KCTD21: variants seen among roughly 807,000 people sequenced by gnomAD.
KCTD21 encodes the protein potassium channel tetramerization domain containing 21.
In KCTD21, 9 loss-of-function variants were observed where a neutral mutation model predicts 13.2. That is an observed-to-expected ratio of 0.68 (90% CI 0.41 to 1.19). KCTD21 has a LOEUF of 1.19. Among genes scored for constraint, KCTD21 ranks in the 50% most tolerant of loss-of-function variants. The probability of loss-of-function intolerance (pLI) is 0.01; values close to 1 mark genes in which losing one functional copy is unlikely to be tolerated. For missense variants in KCTD21, 303 were observed against 336.5 expected, an observed-to-expected ratio of 0.90 and a Z score of 0.78; for synonymous variants, 142 against 137.4, an observed-to-expected ratio of 1.03 and a Z score of -0.23.
At chr11:78,177,224 G>A (rs17136325) in intron 1 of KCTD21, among the ~76,000 whole-genome samples, 4,287 of 152,288 alleles carry the variant, frequency 0.028, 198 homozygotes, top group African/African-American at 0.097. Context: ...TGCCATGCTC[G>A]ACTCTGTGGC....
At chr11:78,183,184 C>T (rs371766848) in intron 1 of KCTD21, among the ~76,000 whole-genome samples, 54 of 152,226 alleles carry the variant, frequency 3.5e-4, no homozygotes, top group African/African-American at 1.3e-3. Context: ...TGGACTTTCA[C>T]AGGAAAAGTT....
At chr11:78,184,471 G>A (rs962699768) in intron 1 of KCTD21, among the ~76,000 whole-genome samples, 5 of 151,804 alleles carry the variant, frequency 3.3e-5, no homozygotes, top group Non-Finnish European at 5.9e-5. Flanking sequence ...TGAGTAGCTG[G>A]GAGTATAGGC....
In KCTD21 at chr11:78,174,023, A is replaced by C; in HGVS notation, c.532T>G (p.Leu178Val). 6.2e-7 allele frequency: 1 copy of C among 1,614,114 alleles called. No homozygotes were observed. The change falls in exon 2 of 2, where the codon TTG becomes GTG. Residue 178 changes from leucine (L) to valine (V), a missense_variant. By Grantham distance (32) the Leu-to-Val change is conservative (BLOSUM62 1). Coordinates refer to ENST00000340067, the MANE Select transcript of KCTD21 (RefSeq NM_001029859.3). ...AGAGTCAGGTGGTTGGGGTCCTGCA[A>C]GTGGCTGGTGATGGAGGAGAGATTG... ...NGNLSSITSH[L>V]QDPNHLTLDW...
chr11:78,188,453 C>T (rs1367962435), intron 1 of KCTD21, 120 bp downstream of exon 1: 10 of 985,318 alleles, frequency 1.0e-5, no homozygotes, highest in Non-Finnish European at 1.2e-5. Context: ...ATCCCCATTT[C>T]ACAGATGGGA....
chr11:78,182,581 A>C (rs1862661563), intron 1 of KCTD21, among the ~76,000 whole-genome samples: 1 of 152,188 alleles, frequency 6.6e-6, no homozygotes, highest in African/African-American at 2.4e-5. Flanking sequence ...CATATTGATA[A>C]ATATATTGAT....
rs1347652136 is a variant in KCTD21, at chr11:78,174,358, G to A, written c.197C>T (p.Ser66Phe). 1 of 1,614,118 alleles carries A rather than the reference G, an allele frequency of 6.2e-7. No homozygotes were observed. The highest frequency in any genetic ancestry group is 2.2e-5 in the East Asian group (1 of 44,868). ...GAAGTCCTCAGGCAGGTCAAGGTGG[G>A]AGGTCCGCAGGAAGTTGAGGATATA... is the stretch of plus-strand genomic sequence containing the variant. ...FRYILNFLRT[S>F]HLDLPEDFQE... The change falls in exon 2 of 2, where the codon TCC (serine) becomes TTC (phenylalanine). Residue 66 changes from serine (S) to phenylalanine (F), a missense_variant. Coordinates refer to ENST00000340067, the MANE Select transcript of KCTD21 (RefSeq NM_001029859.3).
chr11:78,178,165 C>T (rs1397913437), intron 1 of KCTD21, among the ~76,000 whole-genome samples: 8 of 149,972 alleles, frequency 5.3e-5, no homozygotes, highest in South Asian at 2.1e-4. Context: ...CTCGCTCTGT[C>T]GCCAGGCTAG....
At chr11:78,184,126 G>A (rs192062167) in intron 1 of KCTD21, among the ~76,000 whole-genome samples, 2 of 152,264 alleles carry the variant, frequency 1.3e-5, no homozygotes, top group African/African-American at 4.8e-5. Context: ...CTTATTAATT[G>A]TAAGAGAGAA....
At chr11:78,177,220 G>T (rs1789030708) in intron 1 of KCTD21, among the ~76,000 whole-genome samples, 1 of 152,218 alleles carries the variant, frequency 6.6e-6, no homozygotes, top group Non-Finnish European at 1.5e-5. Context: ...CAGCTGCCAT[G>T]CTCGACTCTG....
intron 1 of KCTD21, among the ~76,000 whole-genome samples, chr11:78,179,805 T>C (rs1395481121): frequency 6.6e-5 from 10 of 152,174 alleles, no homozygotes; most frequent in Non-Finnish European, 1.5e-5. Context: ...CTCTCTGCTG[T>C]CTACCTTTCA....
intron 1 of KCTD21, 42 bp from the exon 2 acceptor site, chr11:78,174,625 T>C (rs1237682726): frequency 7.2e-7 from 1 of 1,398,540 alleles, no homozygotes; most frequent in African/African-American, 1.4e-5. Context: ...AACCAAACCT[T>C]ATCAGAGAAC....
chr11:78,187,670 C>G lies in KCTD21; in HGVS notation c.-30+903G>C, dbSNP rs539868874. On this transcript the variant is annotated intron_variant, in intron 1 of 1. Transcript: ENST00000340067. ...TCCTCCAAACAGTAATTTATAAACACCGTGCTTTCAAATCCATCTCATTTC... is the reference window on the plus strand; with the variant it reads ...TCCTCCAAACAGTAATTTATAAACAGCGTGCTTTCAAATCCATCTCATTTC... The G allele has an allele frequency of 1.5e-5, 15 of 985,450 alleles. No individual in the cohort carries two copies. The East Asian group carries it at 1.6e-3, about 104-fold the overall frequency. The allele number at this position is 985,450 out of a possible 1,614,324, so 61.0% of individuals were successfully genotyped here.
At chr11:78,186,829 T>A in intron 1 of KCTD21, 1 of 985,442 alleles carries the variant, frequency 1.0e-6, no homozygotes, top group Non-Finnish European at 1.2e-6. Flanking sequence ...GCGGAGAATT[T>A]TAGTCTAACC....
At chr11:78,183,789 C>T (rs890862424) in intron 1 of KCTD21, among the ~76,000 whole-genome samples, 1 of 151,738 alleles carries the variant, frequency 6.6e-6, no homozygotes, top group Non-Finnish European at 1.5e-5. Context: ...GCGCCCGCCA[C>T]CTCGCTCGGC....
intron 1 of KCTD21, chr11:78,176,164 T>C (rs1275146962): frequency 1.3e-5 from 2 of 152,230 alleles, no homozygotes; most frequent in African/African-American, 4.8e-5. Flanking sequence ...GTTCCAAGTC[T>C]TTGCTACTGT....
chr11:78,187,806 C>CCTGCCTCCCACGCCAAGCTAAACCT, intron 1 of KCTD21: 1 of 985,420 alleles, frequency 1.0e-6, no homozygotes, highest in East Asian at 1.1e-4. Flanking sequence ...ACTTTTCTTT[C>CCTGCCTCCCACGCCAAGCTAAACCT]CTGCCTCCCA....
chr11:78,177,534 C>T (rs1454379857), intron 1 of KCTD21, among the ~76,000 whole-genome samples: 1 of 152,186 alleles, frequency 6.6e-6, no homozygotes, highest in Non-Finnish European at 1.5e-5. Context: ...AGGGCCCAGG[C>T]AGGAGGTGGA....
intron 1 of KCTD21, among the ~76,000 whole-genome samples, chr11:78,179,120 C>A (rs1298548338): frequency 6.6e-6 from 1 of 152,200 alleles, no homozygotes; most frequent in Non-Finnish European, 1.5e-5. Context: ...CCCACTCCCA[C>A]CCTGAGGAGT....
Position 78,173,588 on chromosome 11 carries a change from G to T in KCTD21, c.*184C>A. The T allele has an allele frequency of 1.6e-6, 1 of 608,286 alleles. No homozygotes were observed. The highest frequency in any genetic ancestry group is 2.9e-6 in the Non-Finnish European group (1 of 346,614). The allele number at this position is 608,286 out of a possible 1,614,324, so 37.7% of individuals were successfully genotyped here. On this transcript the variant is annotated 3_prime_UTR_variant, in exon 2 of 2. Coordinates refer to ENST00000340067, the MANE Select transcript of KCTD21 (RefSeq NM_001029859.3). ...AGCTCAAAATGGCAAGAAAAAAGGT[G>T]GTTCTGTTCAGAGGACACTGGATTC...
Sources: gnomAD v4.1 joint callset for allele counts (sites outside exome capture counted in the v4.1 genomes callset) on GRCh38, gnomAD v4.1.1 for gene constraint, MANE v1.5 for transcripts, NCBI Gene and HGNC (gene_info 2026-07-23, HGNC 2026-07-21) for gene names.